Variants in DLGAP2 observed in about 807,000 individuals in gnomAD.
DLGAP2 encodes DLG associated protein 2.
A neutral mutation model predicts 100.3 loss-of-function variants in DLGAP2; 26 were observed. The observed-to-expected ratio is 0.26, with a 90% CI of 0.19 to 0.36. The LOEUF (loss-of-function observed/expected upper bound fraction) is 0.36. Among genes scored for constraint, DLGAP2 ranks in the 10% least tolerant of loss-of-function variants. The pLI is 1.00. For synonymous variants in DLGAP2, 886 were observed against 630.1 expected, an observed-to-expected ratio of 1.41 and a Z score of -6.08; for missense variants, 1,858 against 1,453.2, an observed-to-expected ratio of 1.28 and a Z score of -4.53.
chr8:1,044,032 C>T (rs1802448326), intron 2 of DLGAP2, among the ~76,000 whole-genome samples: 2 of 152,080 alleles, frequency 1.3e-5, no homozygotes, highest in South Asian at 2.1e-4. Context: ...TGACACTTCT[C>T]ACAGCAGTGA....
intron 3 of DLGAP2, among the ~76,000 whole-genome samples, chr8:1,330,909 ACCACT>A (rs1801142796): frequency 7.1e-6 from 1 of 140,606 alleles, no homozygotes; most frequent in African/African-American, 2.8e-5. Flanking sequence ...GTGTGGGAGC[ACCACT>A]TCATGGGGAC....
chr8:953,577 T>C (rs1799531300), intron 2 of DLGAP2, among the ~76,000 whole-genome samples: 1 of 152,256 alleles, frequency 6.6e-6, no homozygotes, highest in African/African-American at 2.4e-5. Context: ...CTGAAAGTTA[T>C]AGTGTCTTTG....
chr8:1,435,490 A>G (rs1797592110), intron 3 of DLGAP2, among the ~76,000 whole-genome samples: 4 of 152,150 alleles, frequency 2.6e-5, no homozygotes, highest in Non-Finnish European at 5.9e-5. Flanking sequence ...TTACCCTGGT[A>G]GAGAAACCCC....
chr8:1,153,362 C>T (rs1248289570), intron 2 of DLGAP2, among the ~76,000 whole-genome samples: 4 of 152,164 alleles, frequency 2.6e-5, no homozygotes, highest in Admixed American at 6.5e-5. Flanking sequence ...GCAATTTAGT[C>T]GGGCTTCTAA....
chr8:813,496 C>G (rs1395423279), intron 1 of DLGAP2, among the ~76,000 whole-genome samples: 2 of 152,160 alleles, frequency 1.3e-5, no homozygotes, highest in Non-Finnish European at 2.9e-5. Context: ...CTCTGCTCTT[C>G]CAGGCACCCT....
At chr8:1,052,673 G>A (rs1039330033) in intron 2 of DLGAP2, among the ~76,000 whole-genome samples, 3 of 152,128 alleles carry the variant, frequency 2.0e-5, no homozygotes, top group Non-Finnish European at 4.4e-5. Context: ...TAGTAGGGGG[G>A]CAGTTTGTTT....
At chr8:1,373,110 T>G (rs943403590) in intron 3 of DLGAP2, among the ~76,000 whole-genome samples, 1 of 151,964 alleles carries the variant, frequency 6.6e-6, no homozygotes, top group African/African-American at 2.4e-5. Context: ...CCTCCGTGCC[T>G]GGGGGGGCGC....
chr8:1,230,263 A>C (rs1798507747), intron 2 of DLGAP2, among the ~76,000 whole-genome samples: 1 of 152,230 alleles, frequency 6.6e-6, no homozygotes, highest in South Asian at 2.1e-4. Context: ...TCCTATTCTT[A>C]ATAGCTACAA....
At position 1,302,448 on chromosome 8, in the gene DLGAP2, C is replaced by T. The variant is rs1554438385; in HGVS notation, c.106+43565C>T. The T allele has an allele frequency of 3.2e-5, 4 of 126,238 alleles. 1 individual carries two copies. Among genetic ancestry groups the T allele is most frequent in the African/African-American group, 8.5e-5 (3 of 35,136 alleles). The allele number at this position is 126,238 out of a possible 1,614,324, so 7.8% of individuals were successfully genotyped here. ...TCTGCTCCACACCTGGGACCGGACTCGGAATTTTCTGTGAGTTCCGGAGCT... is the reference window on the plus strand; with the variant it reads ...TCTGCTCCACACCTGGGACCGGACTTGGAATTTTCTGTGAGTTCCGGAGCT... On this transcript the variant is annotated intron_variant, in intron 3 of 14. Transcript: ENST00000637795.
chr8:1,450,641 C>G (rs560129621), intron 3 of DLGAP2, among the ~76,000 whole-genome samples: 52 of 152,222 alleles, frequency 3.4e-4, no homozygotes, highest in East Asian at 7.8e-4. Flanking sequence ...TGTCTTCCCC[C>G]CCATCATTCC....
At chr8:1,124,049 A>T (rs757390671) in intron 2 of DLGAP2, among the ~76,000 whole-genome samples, 1 of 152,122 alleles carries the variant, frequency 6.6e-6, no homozygotes, top group African/African-American at 2.4e-5. Context: ...TTTTCCCTGT[A>T]TGCAGACCAA....
At chr8:906,828 A>G (rs189799187) in intron 1 of DLGAP2, among the ~76,000 whole-genome samples, 64 of 152,348 alleles carry the variant, frequency 4.2e-4, no homozygotes, top group Middle Eastern at 3.4e-3. Flanking sequence ...GCTAGGTACT[A>G]AAACTCATTA....
chr8:1,358,436 G>A (rs1200519190), intron 3 of DLGAP2, among the ~76,000 whole-genome samples: 1 of 152,132 alleles, frequency 6.6e-6, no homozygotes, highest in Non-Finnish European at 1.5e-5. Flanking sequence ...GGTTAAGGAG[G>A]TAGATTTTAG....
chr8:1,367,848 A>C (rs1038989452), intron 3 of DLGAP2, among the ~76,000 whole-genome samples: 3 of 152,218 alleles, frequency 2.0e-5, no homozygotes, highest in African/African-American at 7.2e-5. Flanking sequence ...GCCTTTATCT[A>C]GACATAAATC....
chr8:1,199,325 G>C (rs1382775405), intron 2 of DLGAP2, among the ~76,000 whole-genome samples: 1 of 152,220 alleles, frequency 6.6e-6, no homozygotes, highest in Non-Finnish European at 1.5e-5. Flanking sequence ...TCTCCCTGGT[G>C]ATCTCTTTTG....
chr8:764,307 A>G (rs748629567), intron 1 of DLGAP2, among the ~76,000 whole-genome samples: 1 of 152,186 alleles, frequency 6.6e-6, no homozygotes, highest in Non-Finnish European at 1.5e-5. Flanking sequence ...CCATCTAGAG[A>G]AATTGCTTCT....
At chr8:1,271,457 C>T (rs1008496535) in intron 3 of DLGAP2, among the ~76,000 whole-genome samples, 1 of 152,174 alleles carries the variant, frequency 6.6e-6, no homozygotes, top group African/African-American at 2.4e-5. Flanking sequence ...TGATTATTCA[C>T]TTCATGTGTC....
intron 3 of DLGAP2, among the ~76,000 whole-genome samples, chr8:1,305,206 T>C (rs551343187): frequency 6.6e-6 from 1 of 152,178 alleles, no homozygotes; most frequent in Admixed American, 6.5e-5. Flanking sequence ...GTTTCCTCCT[T>C]TAAAAAATGA....
chr8:969,142 G>A (rs139179908), intron 2 of DLGAP2, among the ~76,000 whole-genome samples: 16 of 152,252 alleles, frequency 1.1e-4, no homozygotes, highest in South Asian at 8.3e-4. Flanking sequence ...CTCCCCAGGG[G>A]GGATGGGCTC....
Sources: gnomAD v4.1 joint callset for allele counts (sites outside exome capture counted in the v4.1 genomes callset) on GRCh38, gnomAD v4.1.1 for gene constraint, MANE v1.5 for transcripts, NCBI Gene and HGNC (gene_info 2026-07-23, HGNC 2026-07-21) for gene names.